The following OVCH2 variants were observed in gnomAD, a reference collection of about 807,000 sequenced individuals.
OVCH2 encodes ovochymase 2.
Under a neutral mutation model 73.7 loss-of-function variants are expected in OVCH2, and 88 were observed. The observed-to-expected ratio is 1.19, with a 90% confidence interval of 1.01 to 1.43. The LOEUF (loss-of-function observed/expected upper bound fraction) is 1.43, where lower values mean the gene tolerates loss of function less well. Among genes scored for constraint, OVCH2 ranks in the 40% most tolerant of loss-of-function variants. The pLI is 0.00. For missense variants in OVCH2, 706 were observed against 674.5 expected (o/e 1.05, Z -0.52); for synonymous variants, 265 against 234.5 (o/e 1.13, Z -1.19).
intron 9 of OVCH2, 37 bp downstream of exon 9, chr11:7,696,672 G>C (rs377088589): frequency 3.1e-6 from 5 of 1,613,676 alleles, no homozygotes; most frequent in East Asian, 2.2e-5. Context: ...GACCGGAGGT[G>C]GGAGTAAGGA....
chr11:7,701,917 T>A (rs1480399331), intron 4 of OVCH2, 106 bp from the exon 5 acceptor site: 2 of 978,986 alleles, frequency 2.0e-6, no homozygotes, highest in African/African-American at 3.3e-5. Flanking sequence ...CTCATGAGAG[T>A]TGTGATAGCT....
the OVCH2 span, among the ~76,000 whole-genome samples, chr11:7,678,795 G>A: frequency 6.6e-6 from 1 of 152,294 alleles, no homozygotes; most frequent in East Asian, 1.9e-4. Context: ...GAAGGGAGAG[G>A]AAGGGAAGGA....
chr11:7,698,768 G>C lies in OVCH2; in HGVS notation c.907C>G (p.Arg303Gly). ...WIHEHIQTGNRRKSSRAWCSE... is the reference protein window; with the variant it reads ...WIHEHIQTGNGRKSSRAWCSE... Reference sequence around the variant, plus strand: ...TACCCACCTCTGGAGCTCTTTCTCCGATTACCTGGGAAAGGAAAAGAAGGA... The same window carrying C: ...TACCCACCTCTGGAGCTCTTTCTCCCATTACCTGGGAAAGGAAAAGAAGGA... Residue 303 changes from arginine to glycine, a missense_variant, in exon 8 of 16, where the codon CGG (arginine) becomes GGG (glycine). Arg to Gly is a moderately radical substitution (Grantham distance 125). Transcript: ENST00000533663. 6.2e-7 allele frequency: 1 copy of C among 1,612,636 alleles called. No homozygotes were observed. The highest frequency in any genetic ancestry group is 8.5e-7 in the Non-Finnish European group (1 of 1,179,462).
chr11:7,701,435 A>C lies in OVCH2; in HGVS notation c.600T>G (p.Pro200=), dbSNP rs759300467. Residue 200 remains proline (P), a synonymous_variant, in exon 6 of 16, where the codon CCT becomes CCG. Coordinates refer to ENST00000533663, the MANE Select transcript of OVCH2 (RefSeq NM_198185.7). ...LSQVLQEVNL[P]ILTWEECVAA... ...CCACACACTCTTCCCAGGTCAAAAT[A>C]GGCAGATTCACTTCCTGCAAGACTT... 41 of 1,612,398 alleles carry C rather than the reference A, an allele frequency of 2.5e-5. No individual in the cohort carries two copies. Among genetic ancestry groups the C allele is most frequent in the Non-Finnish European group, 3.1e-5 (37 of 1,179,390 alleles).
At position 7,701,803 on chromosome 11, in the gene OVCH2, C is replaced by T; in HGVS notation, c.472G>A (p.Val158Met). ...AGCTCTGGAAGACATATGGGCCCCA[C>T]AAAGTGGCCTGAAGAAAAGAGCAAG... ...MAGAFQFGHF[V>M]GPICLPELRE... The change falls in exon 5 of 16, where the codon GTG becomes ATG. Residue 158 changes from valine (V) to methionine (M), a missense_variant. By Grantham distance (21) the Val-to-Met change is conservative. Transcript: ENST00000533663. 1 of 1,610,466 alleles carries T rather than the reference C, an allele frequency of 6.2e-7. No homozygotes were observed. The highest frequency in any genetic ancestry group is 8.5e-7 in the Non-Finnish European group (1 of 1,178,608).
chr11:7,700,159 A>G, intron 7 of OVCH2, 137 bp downstream of exon 7: 1 of 808,208 alleles, frequency 1.2e-6, no homozygotes, highest in Non-Finnish European at 1.9e-6. Flanking sequence ...GGTAAACCTC[A>G]CAATCCTTGT....
At chr11:7,697,069 A>G (rs1375820674) in intron 8 of OVCH2, 2 of 441,932 alleles carry the variant, frequency 4.5e-6, no homozygotes, top group Non-Finnish European at 8.1e-6. Context: ...CAGGGCCTCA[A>G]TCTCTCACCG....
chr11:7,701,813 T>C lies in OVCH2; in HGVS notation c.464-2A>G, dbSNP rs1485059331. 1 of 1,607,698 alleles carries C rather than the reference T, an allele frequency of 6.2e-7. No individual in the cohort carries two copies. The highest frequency in any genetic ancestry group is 1.7e-5 in the Admixed American group (1 of 59,530). On this transcript the variant is annotated splice_acceptor_variant, in intron 4 of 15. Coordinates refer to ENST00000533663, the MANE Select transcript of OVCH2 (RefSeq NM_198185.7). LOFTEE classifies it high-confidence loss of function. Reference sequence around the variant, plus strand: ...GACATATGGGCCCCACAAAGTGGCCTGAAGAAAAGAGCAAGGTAGGGCTTG... The same window carrying C: ...GACATATGGGCCCCACAAAGTGGCCCGAAGAAAAGAGCAAGGTAGGGCTTG...
the OVCH2 span, among the ~76,000 whole-genome samples, chr11:7,682,826 T>C: frequency 6.6e-6 from 1 of 152,228 alleles, no homozygotes; most frequent in African/African-American, 2.4e-5. Flanking sequence ...CCCTTCCACA[T>C]TCCTAGTTAC....
chr11:7,691,760 A>G (rs1448870384), intron 13 of OVCH2, 142 bp downstream of exon 13: 5 of 648,220 alleles, frequency 7.7e-6, no homozygotes, highest in Admixed American at 3.0e-5. Flanking sequence ...TGAAGAAGAC[A>G]AAGGAGTGAT....
chr11:7,681,884 G>C, the OVCH2 span, among the ~76,000 whole-genome samples: 1 of 151,492 alleles, frequency 6.6e-6, no homozygotes. Context: ...AAAAATGAAG[G>C]GACGCATTCC....
chr11:7,695,425 T>C lies in OVCH2; in HGVS notation c.1282+145A>G, dbSNP rs746799034. ...CAGGGTTGAGGGGGAGACTGCCCCCTGTTCTCTAGTTGGCCTGTGCCCCTC... is the reference window on the plus strand; with the variant it reads ...CAGGGTTGAGGGGGAGACTGCCCCCCGTTCTCTAGTTGGCCTGTGCCCCTC... On this transcript the variant is annotated intron_variant, in intron 11 of 15. Coordinates refer to ENST00000533663, the MANE Select transcript of OVCH2 (RefSeq NM_198185.7). 1.4e-4 allele frequency: 135 copies of C among 949,294 alleles called. 1 individual carries two copies. The highest frequency in any genetic ancestry group is 2.0e-4 in the Non-Finnish European group (126 of 639,162). The allele number at this position is 949,294 out of a possible 1,614,324, so 58.8% of individuals were successfully genotyped here.
chr11:7,684,506 A>ATGTGTGTGTGTG (rs55770590), downstream of OVCH2, among the ~76,000 whole-genome samples: 3 of 141,342 alleles, frequency 2.1e-5, no homozygotes, highest in African/African-American at 8.0e-5. Context: ...ATACATACAT[A>ATGTGTGTGTGTG]TGTGTGTGTG....
Position 7,700,627 on chromosome 11 carries a change from C to G in OVCH2, c.712-142G>C, listed in dbSNP as rs1450472515. The G allele has an allele frequency of 5.5e-6, 5 of 913,216 alleles. No homozygotes were observed. In the East Asian group the frequency reaches 1.3e-4, roughly 24 times the overall value. 56.6% of individuals were successfully genotyped at this position (913,216 alleles called of 1,614,324 possible). A position where few individuals can be genotyped will look rare whatever the true frequency, so the allele number is the denominator to read the frequency against. ...ATTTAGACTCAGGGTCCTGTGTATA[C>G]AGATCCCAGCACAATTCCCATATGA... On this transcript the variant is annotated intron_variant, in intron 6 of 15. Coordinates refer to ENST00000533663, the MANE Select transcript of OVCH2 (RefSeq NM_198185.7).
At position 7,689,604 on chromosome 11, in the gene OVCH2, T is replaced by C. The variant is rs1856181579; in HGVS notation, c.*32-2A>G. 2 of 475,382 alleles carry C rather than the reference T, an allele frequency of 4.2e-6. No homozygotes were observed. Among genetic ancestry groups the C allele is most frequent in the Non-Finnish European group, 8.3e-6 (2 of 240,096 alleles). 29.4% of individuals were successfully genotyped at this position (475,382 alleles called of 1,614,324 possible). A position where few individuals can be genotyped will look rare whatever the true frequency, so the allele number is the denominator to read the frequency against. On this transcript the variant is annotated splice_acceptor_variant, in intron 15 of 15. Coordinates refer to ENST00000533663, the MANE Select transcript of OVCH2 (RefSeq NM_198185.7). LOFTEE classifies it low-confidence loss of function (3UTR_SPLICE). ...TGACAGTCACTGGTGCCCCTTGGCC[T>C]GTAGATAATGTATTGCCCCAACCTC...
At chr11:7,682,143 ACAT>A in the OVCH2 span, among the ~76,000 whole-genome samples, 5 of 152,256 alleles carry the variant, frequency 3.3e-5, no homozygotes, top group African/African-American at 1.2e-4. Context: ...TTACAATGAA[ACAT>A]CATTCTGAAA....
chr11:7,702,113 G>A (rs1856452756), intron 4 of OVCH2, 44 bp downstream of exon 4: 3 of 1,509,452 alleles, frequency 2.0e-6, no homozygotes, highest in African/African-American at 1.4e-5. Context: ...AGAGGTTATA[G>A]AGAACATGGG....
intron 6 of OVCH2, 135 bp downstream of exon 6, chr11:7,701,189 A>G: frequency 8.4e-7 from 1 of 1,187,054 alleles, no homozygotes; most frequent in Non-Finnish European, 1.1e-6. Context: ...AGCTTCTTCA[A>G]GACTATTCTT....
downstream of OVCH2, among the ~76,000 whole-genome samples, chr11:7,684,847 C>G (rs74054112): frequency 0.01 from 1,566 of 152,104 alleles, 41 homozygotes; most frequent in African/African-American, 0.035. Flanking sequence ...CACAGAGAGT[C>G]TGGGAAGACA....
Sources: allele counts gnomAD v4.1 joint callset (sites outside exome capture counted in the v4.1 genomes callset), GRCh38; gene constraint gnomAD v4.1.1; transcripts MANE v1.5; gene names NCBI Gene and HGNC (gene_info 2026-07-23, HGNC 2026-07-21).